Variants in TMPRSS13 observed in about 807,000 individuals in gnomAD.
The protein encoded by TMPRSS13 is transmembrane protease serine 13.
A neutral mutation model predicts 68.4 loss-of-function variants in TMPRSS13; 50 were observed. The ratio of observed to expected loss-of-function variants is 0.73; its 90% CI spans 0.58 to 0.93. TMPRSS13 has a LOEUF of 0.93. TMPRSS13 is among the 40% of genes least tolerant of loss of function. TMPRSS13 has a pLI of 0.00. For synonymous variants in TMPRSS13, 267 were observed against 285.8 expected, an observed-to-expected ratio of 0.93 and a Z score of 0.66; for missense variants, 615 against 729.2, an observed-to-expected ratio of 0.84 and a Z score of 1.80.
rs1170469102 is a variant in TMPRSS13 at position 117,908,641 on chromosome 11, A to G, written c.1253T>C (p.Met418Thr). Residue 418 changes from methionine to threonine, a missense_variant, in exon 9 of 13, where the codon ATG becomes ACG. Met to Thr is a moderately conservative substitution (Grantham distance 81, BLOSUM62 -1). Coordinates refer to ENST00000524993, the MANE Select transcript of TMPRSS13 (RefSeq NM_001077263.3). Reference sequence around the variant, plus strand: ...CAGGGTCAGGGGCTTGGACAGCCGCATGAGGGCGATGTCATAGTCGTCCTC... The same window carrying G: ...CAGGGTCAGGGGCTTGGACAGCCGCGTGAGGGCGATGTCATAGTCGTCCTC... ...DEEDDYDIAL[M>T]RLSKPLTLSA... 1.5e-5 allele frequency: 23 copies of G among 1,572,900 alleles called. No individual in the cohort carries two copies. The highest frequency in any genetic ancestry group is 2.0e-5 in the Non-Finnish European group (23 of 1,159,524).
chr11:117,918,932 G>C, intron 1 of TMPRSS13, 94 bp from the exon 2 acceptor site: 1 of 1,534,136 alleles, frequency 6.5e-7, no homozygotes, highest in East Asian at 2.3e-5. Context: ...ATGCTCTGGG[G>C]CAGCAGCTAG....
chr11:117,929,313 C>G lies in TMPRSS13; in HGVS notation c.-6G>C. 6.2e-7 allele frequency: 1 copy of G among 1,605,748 alleles called. No homozygotes were observed. The highest frequency in any genetic ancestry group is 8.5e-7 in the Non-Finnish European group (1 of 1,176,416). ...CCGTGGCTGTCCCTCTCCATGGTCT[C>G]TGAGGGGAAGAGTCCTCCAGGCTTA... On this transcript the variant is annotated 5_prime_UTR_variant, in exon 1 of 13. Coordinates refer to ENST00000524993, the MANE Select transcript of TMPRSS13 (RefSeq NM_001077263.3).
At chr11:117,907,835 A>G in intron 9 of TMPRSS13, 1 of 985,482 alleles carries the variant, frequency 1.0e-6, no homozygotes, top group African/African-American at 1.7e-5. Context: ...TTGCAACTGT[A>G]CTATAGGGCT....
intron 1 of TMPRSS13, among the ~76,000 whole-genome samples, 159 bp downstream of exon 1, chr11:117,929,128 C>G (rs2057734710): frequency 2.0e-5 from 3 of 152,176 alleles, no homozygotes; most frequent in Admixed American, 1.3e-4. Context: ...TAAAAGGAGA[C>G]CAAGAGATCT....
At chr11:117,903,327 CTGCAG>C in intron 12 of TMPRSS13, 1 of 1,440,500 alleles carries the variant, frequency 6.9e-7, no homozygotes, top group Non-Finnish European at 9.4e-7. Flanking sequence ...ACAAAATCCT[CTGCAG>C]AAACTGAAAC....
At chr11:117,928,784 G>A (rs1047290487) in intron 1 of TMPRSS13, among the ~76,000 whole-genome samples, 1 of 152,190 alleles carries the variant, frequency 6.6e-6, no homozygotes, top group Non-Finnish European at 1.5e-5. Context: ...GACCAACGGA[G>A]GTTGAAACAT....
At position 117,908,730 on chromosome 11, in the gene TMPRSS13, C is replaced by T. The variant is rs1313567743; in HGVS notation, c.1164G>A (p.Leu388=). Residue 388 remains leucine (L), a synonymous_variant, in exon 9 of 13, where the codon CTG becomes CTA. Transcript: ENST00000524993. ...GWKVYAGTSN[L]HQLPEAASIA... The stretch of plus-strand genomic sequence containing the variant: ...TGGAGGCTGCCTCAGGCAACTGGTG[C>T]AGGTTGCTGGTGCCCGCGTACACCT... 6.2e-7 allele frequency: 1 copy of T among 1,609,038 alleles called. No individual in the cohort carries two copies. The highest frequency in any genetic ancestry group is 1.7e-5 in the Admixed American group (1 of 59,432).
rs1223562592 is a variant in TMPRSS13, at chr11:117,917,242, C to T, written c.484G>A (p.Gly162Ser). ...CCGATGAGCGGTAGCTGCTTCTGGCCCTCCCGCCAGGTGAACTTGGGCAGG... is the reference window on the plus strand; with the variant it reads ...CCGATGAGCGGTAGCTGCTTCTGGCTCTCCCGCCAGGTGAACTTGGGCAGG... Reference protein sequence around the residue: ...TSLPKFTWREGQKQLPLIGCV... With the variant: ...TSLPKFTWRESQKQLPLIGCV... Residue 162 changes from glycine (G) to serine (S), a missense_variant, in exon 3 of 13, where the codon GGC (glycine) becomes AGC (serine). Coordinates refer to ENST00000524993, the MANE Select transcript of TMPRSS13 (RefSeq NM_001077263.3). 2.5e-6 allele frequency: 4 copies of T among 1,612,700 alleles called. No individual in the cohort carries two copies. The highest frequency in any genetic ancestry group is 2.2e-5 in the East Asian group (1 of 44,884).
In TMPRSS13 at chr11:117,916,668, C is replaced by T. The variant is rs188426706; in HGVS notation, c.556+502G>A. Among the ~76,000 whole-genome samples, 270 of 152,330 alleles carry T rather than the reference C, an allele frequency of 1.8e-3. 2 individuals are homozygous for T. The highest frequency in any genetic ancestry group is 6.0e-3 in the African/African-American group (248 of 41,572). On this transcript the variant is annotated intron_variant, in intron 3 of 12. Coordinates refer to ENST00000524993, the MANE Select transcript of TMPRSS13 (RefSeq NM_001077263.3). Reference sequence around the variant, plus strand: ...GGCCTGAACCCCTGAATGCTGAACACGTCATCCCATTGACTGAATATCCTT... The same window carrying T: ...GGCCTGAACCCCTGAATGCTGAACATGTCATCCCATTGACTGAATATCCTT...
chr11:117,916,290 C>A (rs575080622), intron 3 of TMPRSS13, among the ~76,000 whole-genome samples: 6 of 152,342 alleles, frequency 3.9e-5, no homozygotes, highest in Middle Eastern at 3.4e-3. Flanking sequence ...CCCATGCTGT[C>A]CTTGCCACCT....
chr11:117,903,784 G>A lies in TMPRSS13; in HGVS notation c.1548C>T (p.Val516=). 1.2e-6 allele frequency: 2 copies of A among 1,611,732 alleles called. No homozygotes were observed. Among genetic ancestry groups the A allele is most frequent in the Non-Finnish European group, 1.7e-6 (2 of 1,178,924 alleles). The change falls in exon 12 of 13, where the codon GTC becomes GTT. Residue 516 remains valine (V), a synonymous_variant. Transcript: ENST00000524993. ...SCQGDSGGPL[V]CEQNNRWYLA... ...GGTACCAGCGGTTGTTCTGCTCACAGACAAGAGGCCCCCCGCTGTCTCCCT... is the reference window on the plus strand; with the variant it reads ...GGTACCAGCGGTTGTTCTGCTCACAAACAAGAGGCCCCCCGCTGTCTCCCT...
At chr11:117,925,682 G>A (rs2057698281) in intron 1 of TMPRSS13, among the ~76,000 whole-genome samples, 1 of 152,214 alleles carries the variant, frequency 6.6e-6, no homozygotes, top group Non-Finnish European at 1.5e-5. Flanking sequence ...GGTTCCCTGT[G>A]GTGGCTTCCC....
intron 12 of TMPRSS13, chr11:117,903,227 A>C: frequency 7.4e-7 from 1 of 1,348,820 alleles, no homozygotes; most frequent in Non-Finnish European, 9.7e-7. Flanking sequence ...CAACAACAAA[A>C]AGAAAATCAA....
chr11:117,924,898 G>T (rs1386472886), intron 1 of TMPRSS13, among the ~76,000 whole-genome samples: 1 of 152,068 alleles, frequency 6.6e-6, no homozygotes. Flanking sequence ...CAGGGACTTG[G>T]GTCAGCCCTT....
At position 117,909,866 on chromosome 11, in the gene TMPRSS13, A is replaced by G; in HGVS notation, c.1049T>C (p.Ile350Thr). The G allele has an allele frequency of 6.2e-7, 1 of 1,614,000 alleles. No individual in the cohort carries two copies. The highest frequency in any genetic ancestry group is 1.1e-5 in the South Asian group (1 of 91,078). Reference protein sequence around the residue: ...QVSLHFGTTHICGGTLIDAQW... With the variant: ...QVSLHFGTTHTCGGTLIDAQW... ...GGCGTCAATGAGCGTGCCTCCACAG[A>G]TGTGGGTGGTGCCGAAGTGCAGACT... The change falls in exon 8 of 13, where the codon ATC becomes ACC. Residue 350 changes from isoleucine (I) to threonine (T), a missense_variant. By Grantham distance (89) the Ile-to-Thr change is moderately conservative. Coordinates refer to ENST00000524993, the MANE Select transcript of TMPRSS13 (RefSeq NM_001077263.3).
Position 117,918,587 on chromosome 11 carries a change from C to T in TMPRSS13, c.273G>A (p.Pro91=), listed in dbSNP as rs1372504487. The T allele has an allele frequency of 5.6e-6, 9 of 1,612,554 alleles. No homozygotes were observed. The highest frequency in any genetic ancestry group is 2.2e-5 in the East Asian group (1 of 44,848). ...PAQASPARAS[P]ALASLSRSSS... is the part of the protein sequence containing the mutation. ...AGGACCTGGAAAGTGATGCCAGAGCCGGAGATGCCCGGGCTGGAGATGCCT... is the reference window on the plus strand; with the variant it reads ...AGGACCTGGAAAGTGATGCCAGAGCTGGAGATGCCCGGGCTGGAGATGCCT... Residue 91 remains proline, a synonymous_variant, in exon 2 of 13, where the codon CCG becomes CCA. Transcript: ENST00000524993.
chr11:117,903,748 G>C lies in TMPRSS13; in HGVS notation c.1584C>G (p.Val528=), dbSNP rs1404663236. 1.9e-6 allele frequency: 3 copies of C among 1,612,950 alleles called. No homozygotes were observed. Among genetic ancestry groups the C allele is most frequent in the Non-Finnish European group, 1.7e-6 (2 of 1,179,520 alleles). The change falls in exon 12 of 13, where the codon GTC becomes GTG. Residue 528 remains valine, a synonymous_variant. Transcript: ENST00000524993. The part of the protein sequence containing the change: ...EQNNRWYLAG[V]TSWGTGCGQR... ...GGCCACAGCCTGTGCCCCAGCTGGT[G>C]ACACCTGCCAGGTACCAGCGGTTGT...
chr11:117,914,430 A>G lies in TMPRSS13; in HGVS notation c.641T>C (p.Val214Ala). The G allele has an allele frequency of 6.2e-7, 1 of 1,613,436 alleles. No individual in the cohort carries two copies. Residue 214 changes from valine to alanine, a missense_variant, in exon 4 of 13, where the codon GTG becomes GCG. Transcript: ENST00000524993. This position sits in a 1 kb window ranked among gnomAD's most constrained non-coding sequence, Gnocchi z 4.2. ...GTCACTCTTCAGCTTGCAGTCCACC[A>G]CCCCGTCACAGCGAACAGCGTGCTT... ...CPKHAVRCDG[V>A]VDCKLKSDEL...
chr11:117,908,821 C>G (rs1198818803), intron 8 of TMPRSS13, 37 bp from the exon 9 acceptor site: 2 of 1,542,144 alleles, frequency 1.3e-6, no homozygotes, highest in East Asian at 4.6e-5. Flanking sequence ...CCAGTACCTG[C>G]CTGGCAGCGT....
Sources: allele counts gnomAD v4.1 joint callset (sites outside exome capture counted in the v4.1 genomes callset), GRCh38; gene constraint gnomAD v4.1.1; non-coding constraint Gnocchi (gnomAD v3.1); transcripts MANE v1.5; gene names NCBI Gene and HGNC (gene_info 2026-07-23, HGNC 2026-07-21).